Variants in FANCB observed in about 807,000 individuals in gnomAD.
FANCB encodes the protein FA complementation group B.
FANCB carries 5 observed loss-of-function variants against 38.9 expected under a neutral mutation model. That is an observed-to-expected ratio of 0.13 (90% CI 0.07 to 0.27). The LOEUF (loss-of-function observed/expected upper bound fraction) is 0.27. Among genes scored for constraint, FANCB ranks in the 10% least tolerant of loss-of-function variants. FANCB has a pLI of 1.00. For synonymous variants in FANCB, 236 were observed against 215.4 expected (o/e 1.10, Z -0.84); for missense variants, 573 against 602.7 (o/e 0.95, Z 0.52).
At chrX:14,704,627 G>A in the FANCB span, among the ~76,000 whole-genome samples, 1 of 111,926 alleles carries the variant, frequency 8.9e-6, no homozygotes, top group South Asian at 3.7e-4. Flanking sequence ...TGATTGATGA[G>A]GCAGCATCAG....
the FANCB span, among the ~76,000 whole-genome samples, chrX:14,788,911 A>C: frequency 4.5e-5 from 5 of 111,488 alleles, no homozygotes; most frequent in Admixed American, 9.6e-5. Context: ...TCCCTACCCC[A>C]GCAAAGGTGA....
the FANCB span, among the ~76,000 whole-genome samples, chrX:14,750,575 G>C: frequency 9.0e-6 from 1 of 111,101 alleles, no homozygotes; most frequent in Non-Finnish European, 1.9e-5. Flanking sequence ...CACAAGGGTG[G>C]TAGAAAACGT....
the FANCB span, among the ~76,000 whole-genome samples, chrX:14,736,807 G>A: frequency 3.3e-4 from 37 of 111,650 alleles, no homozygotes; most frequent in African/African-American, 1.1e-3. Context: ...GTATCTCCAC[G>A]AAGAAAGAAA....
At chrX:14,791,321 G>A in the FANCB span, among the ~76,000 whole-genome samples, 1 of 111,440 alleles carries the variant, frequency 9.0e-6, no homozygotes, top group Non-Finnish European at 1.9e-5. Context: ...TGTACACAAG[G>A]AGAATGTCAT....
intron 4 of FANCB, among the ~76,000 whole-genome samples, chrX:14,858,409 A>T (rs2092432507): frequency 9.0e-6 from 1 of 110,952 alleles, no homozygotes; most frequent in Non-Finnish European, 1.9e-5. Flanking sequence ...AAAAAAAAAA[A>T]ATAAACAAAG....
chrX:14,813,294 T>C, the FANCB span, among the ~76,000 whole-genome samples: 2 of 104,895 alleles, frequency 1.9e-5, no homozygotes, highest in African/African-American at 7.0e-5. Flanking sequence ...CTATTCAACA[T>C]AGTGTTGGAA....
the FANCB span, among the ~76,000 whole-genome samples, chrX:14,753,734 C>A: frequency 5.4e-5 from 6 of 111,224 alleles, no homozygotes; most frequent in Non-Finnish European, 1.1e-4. Flanking sequence ...ACCTCCCAAG[C>A]CTTCACTTGC....
At chrX:14,835,370 C>T (rs1001001627), downstream of FANCB, 9 of 416,214 alleles carry the variant, frequency 2.2e-5, no homozygotes, top group East Asian at 5.6e-5. Flanking sequence ...CAGAGATAAA[C>T]GACCCCAGCT....
chrX:14,859,316 T>C lies in FANCB; in HGVS notation c.970A>G (p.Lys324Glu). 1 of 1,195,442 alleles carries C rather than the reference T, an allele frequency of 8.4e-7. No homozygotes were observed. ...ESFQVAAKWE[K>E]LSLVLIDDFI... Reference sequence around the variant, plus strand: ...TCATCTATCAGTACTAAGCTAAGTTTTTCCCATTTAGCAGCAACCTAAAAG... The same window carrying C: ...TCATCTATCAGTACTAAGCTAAGTTCTTCCCATTTAGCAGCAACCTAAAAG... Residue 324 changes from lysine (K) to glutamate (E), a missense_variant, in exon 4 of 10, where the codon AAA (lysine) becomes GAA (glutamate). Coordinates refer to ENST00000650831, the MANE Select transcript of FANCB (RefSeq NM_001018113.3).
intron 6 of FANCB, among the ~76,000 whole-genome samples, chrX:14,852,517 A>G (rs2092405965): frequency 9.0e-6 from 1 of 111,401 alleles, no homozygotes; most frequent in African/African-American, 3.3e-5. Context: ...GAGTAAAATT[A>G]TGAAAAGCAG....
the FANCB span, among the ~76,000 whole-genome samples, chrX:14,808,128 C>T: frequency 1.8e-5 from 2 of 111,568 alleles, no homozygotes; most frequent in Non-Finnish European, 3.8e-5. Context: ...CTAAGTTCTA[C>T]CAAACATTTA....
chrX:14,858,397 C>CA (rs1208196291), intron 4 of FANCB, among the ~76,000 whole-genome samples: 63 of 94,116 alleles, frequency 6.7e-4, no homozygotes, highest in Middle Eastern at 0.011. Flanking sequence ...ACTCTGTCTC[C>CA]AAAAAAAAAA....
At chrX:14,860,537 G>A (rs1480280145) in intron 3 of FANCB, among the ~76,000 whole-genome samples, 2 of 112,161 alleles carry the variant, frequency 1.8e-5, no homozygotes, top group Non-Finnish European at 3.8e-5. Flanking sequence ...AGAAAGGTAA[G>A]TGAGCCCCAA....
chrX:14,702,040 G>A, the FANCB span, among the ~76,000 whole-genome samples: 9 of 111,949 alleles, frequency 8.0e-5, no homozygotes, highest in African/African-American at 2.9e-4. Context: ...CCTTTGTCTG[G>A]GTCTTGACAC....
chrX:14,792,687 G>A, the FANCB span, among the ~76,000 whole-genome samples: 4 of 111,782 alleles, frequency 3.6e-5, no homozygotes, highest in Admixed American at 3.8e-4. Flanking sequence ...GAGAAGAAAT[G>A]TAAAGAGTTG....
At chrX:14,832,960 G>A (rs1426617923), downstream of FANCB, among the ~76,000 whole-genome samples, 1 of 112,104 alleles carries the variant, frequency 8.9e-6, no homozygotes, top group Non-Finnish European at 1.9e-5. Context: ...ATGAATAAAG[G>A]ATATTAGGCA....
At chrX:14,747,742 C>T in the FANCB span, among the ~76,000 whole-genome samples, 16 of 111,998 alleles carry the variant, frequency 1.4e-4, no homozygotes, top group Non-Finnish European at 2.8e-4. Flanking sequence ...ATATTAATTT[C>T]GGTTGGTTTG....
intron 9 of FANCB, 40 bp from the exon 10 acceptor site, chrX:14,844,021 AC>A: frequency 8.8e-7 from 1 of 1,135,828 alleles, no homozygotes; most frequent in Non-Finnish European, 1.2e-6. Flanking sequence ...AAAAATTAGG[AC>A]AGCACAAAGC....
chrX:14,845,886 T>C (rs1453788997), intron 7 of FANCB, among the ~76,000 whole-genome samples: 2 of 111,768 alleles, frequency 1.8e-5, no homozygotes, highest in African/African-American at 6.5e-5. Flanking sequence ...TGTAGCACAT[T>C]CCAGCATTGT....
Sources: gnomAD v4.1 joint callset for allele counts (sites outside exome capture counted in the v4.1 genomes callset) on GRCh38, gnomAD v4.1.1 for gene constraint, MANE v1.5 for transcripts, NCBI Gene and HGNC (gene_info 2026-07-23, HGNC 2026-07-21) for gene names.